The following ATP12A variants were observed in gnomAD, a reference collection of about 807,000 sequenced individuals.
ATP12A encodes ATPase H+/K+ transporting non-gastric alpha2 subunit.
A neutral mutation model predicts 111.2 loss-of-function variants in ATP12A; 81 were observed. The observed-to-expected ratio is 0.73, with a 90% confidence interval of 0.61 to 0.88. The LOEUF (loss-of-function observed/expected upper bound fraction) is 0.88, where lower values mean the gene tolerates loss of function less well. ATP12A is among the 40% of genes least tolerant of loss of function. The probability of loss-of-function intolerance (pLI) is 0.00; values close to 1 mark genes in which losing one functional copy is unlikely to be tolerated. For missense variants in ATP12A, 1,196 were observed against 1,313.1 expected (o/e 0.91, Z 1.38); for synonymous variants, 498 against 499.8 (o/e 1.00, Z 0.05).
intron 10 of ATP12A, among the ~76,000 whole-genome samples, chr13:24,693,286 A>G (rs1874989854): frequency 6.6e-6 from 1 of 152,172 alleles, no homozygotes; most frequent in Non-Finnish European, 1.5e-5. Flanking sequence ...GGCTGCAGAC[A>G]AAGCTCTAAG....
chr13:24,700,656 A>G, intron 12 of ATP12A, 91 bp from the exon 13 acceptor site: 2 of 1,205,070 alleles, frequency 1.7e-6, no homozygotes, highest in Non-Finnish European at 2.3e-6. Context: ...GTAAAACAGC[A>G]GAGGACCAAG....
Position 24,685,635 on chromosome 13 carries a change from T to G in ATP12A, c.228+262T>G, listed in dbSNP as rs1593130873. Reference sequence around the variant, plus strand: ...TGGCCTCAAGGAGAAAGTGGCCGGGTAGGGGAGGCAAATGTGTATGGAAGT... The same window carrying G: ...TGGCCTCAAGGAGAAAGTGGCCGGGGAGGGGAGGCAAATGTGTATGGAAGT... On this transcript the variant is annotated intron_variant, in intron 3 of 22. Transcript: ENST00000381946. This position sits in a 1 kb window ranked among gnomAD's most constrained non-coding sequence, Gnocchi z 5.5. 1.3e-5 allele frequency among the ~76,000 whole-genome samples: 2 copies of G among 151,920 alleles called. No homozygotes were observed. The highest frequency in any genetic ancestry group is 1.3e-4 in the Admixed American group (2 of 15,258).
chr13:24,689,164 A>C, intron 4 of ATP12A, 98 bp from the exon 5 acceptor site: 1 of 897,148 alleles, frequency 1.1e-6, no homozygotes, highest in Non-Finnish European at 1.8e-6. Context: ...CCAGGGCGTA[A>C]CTGCCAGCAT....
chr13:24,710,433 G>T lies in ATP12A; in HGVS notation c.2764-27G>T, dbSNP rs371214201. 1.1e-5 allele frequency: 18 copies of T among 1,612,026 alleles called. No homozygotes were observed. The South Asian group carries it at 1.7e-4, about 15-fold the overall frequency. On this transcript the variant is annotated intron_variant, in intron 19 of 22. Transcript: ENST00000381946. ...TAGAAGTTTTCCTTTAGGCCTCAAGGTCTCTTCCTTCTCTGCCCATTAACA... is the reference window on the plus strand; with the variant it reads ...TAGAAGTTTTCCTTTAGGCCTCAAGTTCTCTTCCTTCTCTGCCCATTAACA...
intron 5 of ATP12A, 24 bp from the exon 6 acceptor site, chr13:24,690,314 A>T: frequency 6.2e-7 from 1 of 1,612,436 alleles, no homozygotes; most frequent in Non-Finnish European, 8.5e-7. Context: ...GGTCTGAGGC[A>T]TCTGTCATGG....
chr13:24,684,944 C>T (rs544873471), intron 2 of ATP12A, among the ~76,000 whole-genome samples: 24 of 152,322 alleles, frequency 1.6e-4, no homozygotes, highest in Non-Finnish European at 2.8e-4. Context: ...CAGCCAATCC[C>T]AGGGTTCAGG....
At chr13:24,703,868 T>C (rs1875503070) in intron 14 of ATP12A, among the ~76,000 whole-genome samples, 2 of 150,060 alleles carry the variant, frequency 1.3e-5, no homozygotes. Context: ...AGATGGAGTC[T>C]TTCTCTGTTG....
At chr13:24,710,089 C>A (rs149771387) in intron 19 of ATP12A, among the ~76,000 whole-genome samples, 1 of 152,274 alleles carries the variant, frequency 6.6e-6, no homozygotes, top group East Asian at 1.9e-4. Flanking sequence ...CCCAGCCACA[C>A]CCACAGTGCG....
intron 18 of ATP12A, 41 bp from the exon 19 acceptor site, chr13:24,709,642 G>A: frequency 1.0e-5 from 16 of 1,606,418 alleles, no homozygotes; most frequent in Non-Finnish European, 1.3e-5. Flanking sequence ...GTTTCCTGAG[G>A]CCATCATAGA....
chr13:24,683,390 C>T (rs994766115), intron 2 of ATP12A, among the ~76,000 whole-genome samples: 7 of 152,232 alleles, frequency 4.6e-5, no homozygotes, highest in Non-Finnish European at 8.8e-5. Flanking sequence ...CTTGGCAGAT[C>T]TTAAAGCTCT....
chr13:24,685,288 T>C lies in ATP12A; in HGVS notation c.169-26T>C, dbSNP rs200297008. On this transcript the variant is annotated intron_variant, in intron 2 of 22. Coordinates refer to ENST00000381946, the MANE Select transcript of ATP12A (RefSeq NM_001676.7). This position sits in a 1 kb window ranked among gnomAD's most constrained non-coding sequence, Gnocchi z 5.5. ...AGTCTTTTGGAATTATCTAATTCAC[T>C]CTGTTCTTCCTTTCATGGACTTCAG... The C allele has an allele frequency of 2.5e-6, 4 of 1,608,914 alleles. No individual in the cohort carries two copies. The East Asian group carries it at 8.9e-5, about 36-fold the overall frequency.
chr13:24,680,560 G>C lies in ATP12A; in HGVS notation c.-184G>C. 3 of 591,644 alleles carry C rather than the reference G, an allele frequency of 5.1e-6. No individual in the cohort carries two copies. Among genetic ancestry groups the C allele is most frequent in the Middle Eastern group, 4.6e-4 (1 of 2,160 alleles). The allele number at this position is 591,644 out of a possible 1,614,324, so 36.6% of individuals were successfully genotyped here. On this transcript the variant is annotated 5_prime_UTR_variant, in exon 1 of 23. Transcript: ENST00000381946. ...ATTTAAGGCTGGTGCCACCTCCCCGGTGCAGCGGCTGGCGATCGGCCGCGG... is the reference window on the plus strand; with the variant it reads ...ATTTAAGGCTGGTGCCACCTCCCCGCTGCAGCGGCTGGCGATCGGCCGCGG...
In ATP12A at chr13:24,680,704, C is replaced by G; in HGVS notation, c.-40C>G. Reference sequence around the variant, plus strand: ...CGCTCCGCCGCTGCGGTCCCGGATCCGCGCTCCACGCCCGCAGCCCGCGGC... The same window carrying G: ...CGCTCCGCCGCTGCGGTCCCGGATCGGCGCTCCACGCCCGCAGCCCGCGGC... On this transcript the variant is annotated 5_prime_UTR_variant, in exon 1 of 23. Transcript: ENST00000381946. 6.7e-7 allele frequency: 1 copy of G among 1,501,816 alleles called. No homozygotes were observed. The allele number at this position is 1,501,816 out of a possible 1,614,324, so 93.0% of individuals were successfully genotyped here.
Position 24,709,700 on chromosome 13 carries a change from G to C in ATP12A, c.2635G>C (p.Gly879Arg), listed in dbSNP as rs1566078769. The C allele has an allele frequency of 1.2e-6, 2 of 1,614,186 alleles. No individual in the cohort carries two copies. Among genetic ancestry groups the C allele is most frequent in the South Asian group, 2.2e-5 (2 of 91,082 alleles). The change falls in exon 19 of 23, where the codon GGA becomes CGA. Residue 879 changes from glycine (G) to arginine (R), a missense_variant. By Grantham distance (125) the Gly-to-Arg change is moderately radical. Around this residue, in one of 3 missense-constraint regions of ATP12A, gnomAD observed 1,126 missense variants for 1,228.5 expected, o/e 0.92. Transcript: ENST00000381946. Reference sequence around the variant, plus strand: ...TCTTTCAGGCCTCATGCAAGCCCTGGGAGCTTTCCTTGTGTATTTCACCGT... The same window carrying C: ...TCTTTCAGGCCTCATGCAAGCCCTGCGAGCTTTCCTTGTGTATTTCACCGT... ...YLHIGLMQAL[G>R]AFLVYFTVYA...
At chr13:24,704,115 A>G (rs912599252) in intron 14 of ATP12A, among the ~76,000 whole-genome samples, 1 of 152,026 alleles carries the variant, frequency 6.6e-6, no homozygotes, top group Non-Finnish European at 1.5e-5. Context: ...CTCCTGCCTC[A>G]GCCTCCTGAG....
intron 12 of ATP12A, among the ~76,000 whole-genome samples, chr13:24,700,401 G>A (rs1021484841): frequency 2.6e-5 from 4 of 152,140 alleles, no homozygotes; most frequent in Non-Finnish European, 2.9e-5. Context: ...CCTCCAGGCA[G>A]CTGAAATGTG....
chr13:24,692,318 A>T, intron 8 of ATP12A, 111 bp from the exon 9 acceptor site: 2 of 1,181,224 alleles, frequency 1.7e-6, no homozygotes, highest in South Asian at 1.5e-5. Flanking sequence ...CCCTAAAACT[A>T]GTCCAGCTCT....
intron 3 of ATP12A, 93 bp from the exon 4 acceptor site, chr13:24,688,226 G>T: frequency 7.0e-7 from 1 of 1,425,908 alleles, no homozygotes; most frequent in Non-Finnish European, 9.4e-7. Context: ...CTCACCCCAA[G>T]CTGCAAAAAT....
At chr13:24,687,450 C>T (rs754268482) in intron 3 of ATP12A, among the ~76,000 whole-genome samples, 2 of 144,560 alleles carry the variant, frequency 1.4e-5, no homozygotes, top group African/African-American at 2.6e-5. Context: ...GGCAACAGAG[C>T]GAGACTCTGT....
Sources: gnomAD v4.1 joint callset for allele counts (sites outside exome capture counted in the v4.1 genomes callset) on GRCh38, gnomAD v4.1.1 for gene constraint, gnomAD v4.1.1 regional missense constraint, Gnocchi (gnomAD v3.1) non-coding constraint, MANE v1.5 for transcripts, NCBI Gene and HGNC (gene_info 2026-07-23, HGNC 2026-07-21) for gene names.